IP6K1: variants seen among roughly 807,000 people sequenced by gnomAD.
The protein encoded by IP6K1 is inositol hexakisphosphate kinase 1.
Under a neutral mutation model 38.3 loss-of-function variants are expected in IP6K1, and 13 were observed. The observed-to-expected ratio is 0.34, with a 90% CI of 0.22 to 0.54. The LOEUF (loss-of-function observed/expected upper bound fraction) is 0.54, where lower values mean the gene tolerates loss of function less well. Ranked by LOEUF, IP6K1 falls within the 20% of genes least tolerant of loss-of-function variation. The pLI, the probability that IP6K1 is intolerant of heterozygous loss-of-function variation, is 0.92. For missense variants in IP6K1, 397 were observed against 599.8 expected, an observed-to-expected ratio of 0.66 and a Z score of 3.53; for synonymous variants, 212 against 229.9, an observed-to-expected ratio of 0.92 and a Z score of 0.70.
At chr3:49,768,323 G>A (rs1296963517) in intron 1 of IP6K1, among the ~76,000 whole-genome samples, 2 of 151,980 alleles carry the variant, frequency 1.3e-5, no homozygotes, top group African/African-American at 2.4e-5. Flanking sequence ...AAAGATATGC[G>A]GTATATACAT....
At chr3:49,782,147 A>G (rs1390633397) in intron 1 of IP6K1, among the ~76,000 whole-genome samples, 2 of 149,818 alleles carry the variant, frequency 1.3e-5, no homozygotes, top group Non-Finnish European at 3.0e-5. Flanking sequence ...ATGCAAAGAT[A>G]AAGAACAGTG....
chr3:49,756,701 G>A (rs997716939), intron 1 of IP6K1, among the ~76,000 whole-genome samples: 18 of 151,480 alleles, frequency 1.2e-4, no homozygotes, highest in Non-Finnish European at 2.2e-4. Context: ...CTATAATCCC[G>A]CTACTTGGGA....
intron 3 of IP6K1, 30 bp downstream of exon 3, chr3:49,738,182 T>C (rs2080631435): frequency 1.3e-6 from 2 of 1,575,040 alleles, no homozygotes; most frequent in South Asian, 1.1e-5. Flanking sequence ...TGAGTGCTTG[T>C]ACCAGCAGGA....
intron 1 of IP6K1, among the ~76,000 whole-genome samples, chr3:49,761,373 T>C (rs2108249650): frequency 6.6e-6 from 1 of 151,308 alleles, no homozygotes; most frequent in Middle Eastern, 3.4e-3. Context: ...ACTCCTGTAA[T>C]CCCAGCACTT....
chr3:49,758,153 C>T (rs1484305853), intron 1 of IP6K1, among the ~76,000 whole-genome samples: 1 of 150,974 alleles, frequency 6.6e-6, no homozygotes, highest in Non-Finnish European at 1.5e-5. Flanking sequence ...ACTAAAAGTA[C>T]AAAAAAATTA....
At chr3:49,766,953 C>T (rs1410221070) in intron 1 of IP6K1, among the ~76,000 whole-genome samples, 2 of 104,356 alleles carry the variant, frequency 1.9e-5, no homozygotes, top group South Asian at 3.6e-4. Flanking sequence ...AGCAAGACTC[C>T]GTCTCAAAAA....
rs527723899 is a variant in IP6K1 at position 49,737,071 on chromosome 3, CTTTTTTTTTTT to C, written c.434+1130_434+1140del. 7.1e-5 allele frequency among the ~76,000 whole-genome samples: 8 copies of C among 113,032 alleles called. No homozygotes were observed. In the East Asian group the frequency reaches 9.9e-4, roughly 14 times the overall value. The allele number at this position is 113,032 out of a possible 152,430, so 74.2% of individuals were successfully genotyped here. Reference sequence around the variant, plus strand: ...ACAGGCATGAGCCACCAAGCCTGGCCTTTTTTTTTTTTTTTTTTTTTTAGAGATGGGGTCTC... The same window carrying C: ...ACAGGCATGAGCCACCAAGCCTGGCCTTTTTTTTTTTAGAGATGGGGTCTC... On this transcript the variant is annotated intron_variant, in intron 3 of 5. Transcript: ENST00000321599.
At chr3:49,773,969 ACTCT>A (rs1387910957) in intron 1 of IP6K1, among the ~76,000 whole-genome samples, 6 of 145,726 alleles carry the variant, frequency 4.1e-5, no homozygotes, top group East Asian at 2.0e-4. Context: ...CATTAGCAAG[ACTCT>A]CTCTAAAACA....
intron 3 of IP6K1, among the ~76,000 whole-genome samples, chr3:49,735,371 T>C (rs2080600011): frequency 6.6e-6 from 1 of 151,712 alleles, no homozygotes; most frequent in Non-Finnish European, 1.5e-5. Flanking sequence ...CTAAAAAGAG[T>C]GGGGGGAAAA....
chr3:49,734,109 G>A (rs905826472), intron 3 of IP6K1, among the ~76,000 whole-genome samples: 1 of 152,112 alleles, frequency 6.6e-6, no homozygotes, highest in Non-Finnish European at 1.5e-5. Context: ...CTACACTCCA[G>A]CCTGGGAAAC....
intron 2 of IP6K1, among the ~76,000 whole-genome samples, chr3:49,747,059 A>C (rs560979889): frequency 6.6e-6 from 1 of 152,342 alleles, no homozygotes; most frequent in South Asian, 2.1e-4. Context: ...ATTTTACCAA[A>C]ATTTTTTTTA....
At chr3:49,763,248 C>T (rs947582104) in intron 1 of IP6K1, among the ~76,000 whole-genome samples, 1 of 150,316 alleles carries the variant, frequency 6.7e-6, no homozygotes, top group Non-Finnish European at 1.5e-5. Flanking sequence ...GGACTACAGG[C>T]GCCCGCCACA....
intron 1 of IP6K1, among the ~76,000 whole-genome samples, chr3:49,759,603 G>C (rs2080851369): frequency 6.6e-6 from 1 of 152,036 alleles, no homozygotes; most frequent in Non-Finnish European, 1.5e-5. Flanking sequence ...ACACATCCTG[G>C]AGGCAACATA....
At chr3:49,767,771 A>G (rs2108255352) in intron 1 of IP6K1, among the ~76,000 whole-genome samples, 2 of 152,290 alleles carry the variant, frequency 1.3e-5, no homozygotes, top group Admixed American at 1.3e-4. Context: ...TAATTTAAAA[A>G]GAGTGAAAAC....
At chr3:49,758,134 C>A (rs2080840136) in intron 1 of IP6K1, among the ~76,000 whole-genome samples, 2 of 151,744 alleles carry the variant, frequency 1.3e-5, no homozygotes, top group Admixed American at 1.3e-4. Flanking sequence ...ACAGTGAAAC[C>A]CCGTCTCTAC....
chr3:49,766,357 G>C (rs1170859454), intron 1 of IP6K1, among the ~76,000 whole-genome samples: 1 of 138,828 alleles, frequency 7.2e-6, no homozygotes, highest in South Asian at 2.4e-4. Flanking sequence ...TGACAAGAGC[G>C]AAACTCTGTC....
intron 2 of IP6K1, among the ~76,000 whole-genome samples, chr3:49,743,747 G>GT (rs1459138119): frequency 6.6e-6 from 1 of 151,198 alleles, no homozygotes; most frequent in Non-Finnish European, 1.5e-5. Context: ...AGCCTCCCAA[G>GT]TAACTGGGAT....
intron 1 of IP6K1, among the ~76,000 whole-genome samples, chr3:49,767,314 C>A (rs941830128): frequency 1.2e-4 from 18 of 152,068 alleles, no homozygotes; most frequent in Admixed American, 3.3e-4. Context: ...CGCGGTGGCT[C>A]ACGCCTGTAA....
intron 3 of IP6K1, among the ~76,000 whole-genome samples, chr3:49,736,090 G>T (rs1218728342): frequency 1.3e-5 from 2 of 152,038 alleles, no homozygotes; most frequent in Admixed American, 1.3e-4. Flanking sequence ...CTAATTTTTT[G>T]TATTTACTAG....
Sources: allele counts gnomAD v4.1 joint callset (sites outside exome capture counted in the v4.1 genomes callset), GRCh38; gene constraint gnomAD v4.1.1; transcripts MANE v1.5; gene names NCBI Gene and HGNC (gene_info 2026-07-23, HGNC 2026-07-21).